Variants in CFAP299 observed in about 807,000 individuals in gnomAD.
CFAP299 encodes the protein cilia- and flagella-associated protein 299.
Under a neutral mutation model 27.0 loss-of-function variants are expected in CFAP299, and 21 were observed. The observed-to-expected ratio is 0.78, with a 90% CI of 0.55 to 1.12. CFAP299 has a LOEUF of 1.12. Among genes scored for constraint, CFAP299 ranks in the 50% most tolerant of loss-of-function variants. The pLI is 0.00. For synonymous variants in CFAP299, 104 were observed against 98.1 expected, an observed-to-expected ratio of 1.06 and a Z score of -0.36; for missense variants, 310 against 276.6, an observed-to-expected ratio of 1.12 and a Z score of -0.86.
chr4:80,857,570 G>A (rs1465565551), intron 3 of CFAP299, among the ~76,000 whole-genome samples: 2 of 152,122 alleles, frequency 1.3e-5, no homozygotes, highest in Admixed American at 1.3e-4. Context: ...ATTATTTTGA[G>A]ATACATCCCA....
At chr4:80,328,055 A>T in the CFAP299 span, among the ~76,000 whole-genome samples, 1 of 152,086 alleles carries the variant, frequency 6.6e-6, no homozygotes, top group Admixed American at 6.6e-5. Context: ...ATTTGAAAAC[A>T]AGAAAGTAAT....
the CFAP299 span, among the ~76,000 whole-genome samples, chr4:80,325,719 A>G: frequency 1.0e-3 from 154 of 152,370 alleles, no homozygotes; most frequent in Non-Finnish European, 1.7e-3. Flanking sequence ...CTGGCCATCC[A>G]GGCATATATT....
intron 3 of CFAP299, among the ~76,000 whole-genome samples, chr4:80,735,628 AAG>A (rs1308565681): frequency 6.6e-6 from 1 of 152,056 alleles, no homozygotes; most frequent in Non-Finnish European, 1.5e-5. Flanking sequence ...CCAGTTTTTT[AAG>A]AGTTTCTTTC....
intron 4 of CFAP299, chr4:80,871,598 C>A: frequency 2.0e-5 from 20 of 985,224 alleles, no homozygotes; most frequent in Non-Finnish European, 2.4e-5. Flanking sequence ...AAGGCAAAAT[C>A]CAGATGTTAT....
chr4:80,629,187 T>C (rs777890579), intron 3 of CFAP299, among the ~76,000 whole-genome samples: 4 of 152,164 alleles, frequency 2.6e-5, no homozygotes, highest in Non-Finnish European at 5.9e-5. Flanking sequence ...GAGGACATTA[T>C]GTTGAGTGAA....
At chr4:80,861,306 T>C (rs35024332) in intron 3 of CFAP299, among the ~76,000 whole-genome samples, 22,675 of 152,152 alleles carry the variant, frequency 0.15, 2,034 homozygotes, top group Middle Eastern at 0.28. Flanking sequence ...TTCCAGGTGC[T>C]GTCTGTCACC....
intron 3 of CFAP299, among the ~76,000 whole-genome samples, chr4:80,851,167 T>C (rs1157312184): frequency 6.6e-6 from 1 of 152,136 alleles, no homozygotes; most frequent in Admixed American, 6.5e-5. Flanking sequence ...GTATAAGTGG[T>C]AGTTGAAGTC....
intron 3 of CFAP299, among the ~76,000 whole-genome samples, chr4:80,631,865 C>A (rs1381618395): frequency 2.4e-5 from 1 of 42,160 alleles, no homozygotes; most frequent in East Asian, 1.4e-3. Flanking sequence ...TTGTGCCCCA[C>A]CCCCCCCCAA....
chr4:80,492,090 A>G (rs1731165266), intron 2 of CFAP299, among the ~76,000 whole-genome samples: 2 of 152,148 alleles, frequency 1.3e-5, no homozygotes, highest in African/African-American at 2.4e-5. Context: ...AACTCAACCA[A>G]TTGTCAACCA....
intron 2 of CFAP299, chr4:80,386,168 C>T: frequency 1.5e-6 from 1 of 679,590 alleles, no homozygotes; most frequent in Non-Finnish European, 2.4e-6. Flanking sequence ...AAACGAACAC[C>T]CCGGGTCCGT....
At chr4:80,757,083 TAATA>T (rs1417417539) in intron 3 of CFAP299, among the ~76,000 whole-genome samples, 5 of 152,134 alleles carry the variant, frequency 3.3e-5, no homozygotes, top group Non-Finnish European at 7.4e-5. Context: ...AAGTTTAGAA[TAATA>T]AATAAGATCA....
At chr4:80,684,545 G>A (rs1720061397) in intron 3 of CFAP299, among the ~76,000 whole-genome samples, 1 of 152,180 alleles carries the variant, frequency 6.6e-6, no homozygotes, top group African/African-American at 2.4e-5. Context: ...TGGGATTACA[G>A]GCGTGAGCCA....
chr4:80,700,219 C>A (rs1053705587), intron 3 of CFAP299, among the ~76,000 whole-genome samples: 1 of 151,982 alleles, frequency 6.6e-6, no homozygotes, highest in South Asian at 2.1e-4. Flanking sequence ...AGATGTGTGA[C>A]CTTGGGTAAG....
chr4:80,933,607 C>A (rs1736742091), intron 4 of CFAP299, among the ~76,000 whole-genome samples: 1 of 151,972 alleles, frequency 6.6e-6, no homozygotes, highest in South Asian at 2.1e-4. Flanking sequence ...GACATCAATT[C>A]ATTTCATCAT....
At chr4:80,815,313 A>G (rs957302223) in intron 3 of CFAP299, among the ~76,000 whole-genome samples, 2 of 151,954 alleles carry the variant, frequency 1.3e-5, no homozygotes, top group African/African-American at 4.8e-5. Context: ...GTATATATAT[A>G]TTCAGCTTAT....
At chr4:80,803,907 A>G (rs1728736780) in intron 3 of CFAP299, among the ~76,000 whole-genome samples, 1 of 152,040 alleles carries the variant, frequency 6.6e-6, no homozygotes, top group Non-Finnish European at 1.5e-5. Context: ...CTGGTAATTT[A>G]TAAAGAACAG....
intron 3 of CFAP299, among the ~76,000 whole-genome samples, chr4:80,656,360 T>C (rs1435585405): frequency 1.3e-5 from 2 of 152,128 alleles, no homozygotes; most frequent in Non-Finnish European, 1.5e-5. Flanking sequence ...TTTCTCCTAA[T>C]GCTATCCCTC....
At chr4:80,411,042 G>C (rs1726695690) in intron 2 of CFAP299, among the ~76,000 whole-genome samples, 1 of 152,114 alleles carries the variant, frequency 6.6e-6, no homozygotes, top group Non-Finnish European at 1.5e-5. Flanking sequence ...TATTATACGT[G>C]TCATAATTAA....
intron 3 of CFAP299, among the ~76,000 whole-genome samples, chr4:80,622,098 C>G (rs1452620418): frequency 6.6e-6 from 1 of 152,114 alleles, no homozygotes; most frequent in Non-Finnish European, 1.5e-5. Flanking sequence ...AAGTCAGGCT[C>G]TGTCCTATAA....
Sources: allele counts gnomAD v4.1 joint callset (sites outside exome capture counted in the v4.1 genomes callset), GRCh38; gene constraint gnomAD v4.1.1; transcripts MANE v1.5; gene names NCBI Gene and HGNC (gene_info 2026-07-23, HGNC 2026-07-21).